TMEM117: variants seen among roughly 807,000 people sequenced by gnomAD.
TMEM117 encodes transmembrane protein 117.
Under a neutral mutation model 52.4 loss-of-function variants are expected in TMEM117, and 27 were observed. The observed-to-expected ratio is 0.51, with a 90% CI of 0.38 to 0.71. The LOEUF (loss-of-function observed/expected upper bound fraction) is 0.71. Ranked by LOEUF, TMEM117 falls within the 30% of genes least tolerant of loss-of-function variation. TMEM117 has a pLI of 0.00. For missense variants in TMEM117, 556 were observed against 630.5 expected, an observed-to-expected ratio of 0.88 and a Z score of 1.26; for synonymous variants, 215 against 206.3, an observed-to-expected ratio of 1.04 and a Z score of -0.36.
At chr12:44,019,848 C>T (rs1043795664) in intron 3 of TMEM117, among the ~76,000 whole-genome samples, 4 of 152,022 alleles carry the variant, frequency 2.6e-5, no homozygotes, top group African/African-American at 9.7e-5. Flanking sequence ...GTAATGAATC[C>T]CCCCAAACTT....
intron 4 of TMEM117, among the ~76,000 whole-genome samples, chr12:44,200,529 C>CA (rs760967758): frequency 6.6e-6 from 1 of 152,126 alleles, no homozygotes; most frequent in South Asian, 2.1e-4. Context: ...TCAAATTTGC[C>CA]AAAAATCTGT....
chr12:44,302,164 A>C (rs895542644), intron 6 of TMEM117, among the ~76,000 whole-genome samples: 1 of 151,950 alleles, frequency 6.6e-6, no homozygotes, highest in African/African-American at 2.4e-5. Flanking sequence ...CCACACATCC[A>C]CGTACCATAT....
chr12:44,356,181 A>G (rs1225114849), intron 6 of TMEM117, among the ~76,000 whole-genome samples: 4 of 152,136 alleles, frequency 2.6e-5, no homozygotes, highest in Non-Finnish European at 5.9e-5. Flanking sequence ...CCTCAGGAAG[A>G]TGTCTTGGGG....
At chr12:44,373,036 G>C (rs1328212014) in intron 6 of TMEM117, among the ~76,000 whole-genome samples, 2 of 152,160 alleles carry the variant, frequency 1.3e-5, no homozygotes, top group Non-Finnish European at 2.9e-5. Flanking sequence ...AACTAGGATG[G>C]TTTTGTATAT....
intron 5 of TMEM117, among the ~76,000 whole-genome samples, chr12:44,257,983 A>G (rs1950279167): frequency 6.6e-6 from 1 of 152,122 alleles, no homozygotes. Context: ...TATTTAAAAT[A>G]AATAGATTAG....
At chr12:43,998,120 C>G (rs1946061226) in intron 3 of TMEM117, among the ~76,000 whole-genome samples, 1 of 152,166 alleles carries the variant, frequency 6.6e-6, no homozygotes, top group South Asian at 2.1e-4. Flanking sequence ...AAGGTAAAAT[C>G]TATAGCAAAA....
chr12:43,972,764 A>G (rs992150587), intron 3 of TMEM117, among the ~76,000 whole-genome samples: 23 of 152,156 alleles, frequency 1.5e-4, no homozygotes, highest in African/African-American at 5.3e-4. Context: ...CAGAGCACAG[A>G]TCGGTACATT....
chr12:44,398,344 G>A, the TMEM117 span, among the ~76,000 whole-genome samples: 2 of 152,050 alleles, frequency 1.3e-5, no homozygotes, highest in South Asian at 4.1e-4. Context: ...GCAGGGTGTT[G>A]TCATTGTCCC....
intron 2 of TMEM117, among the ~76,000 whole-genome samples, chr12:43,918,692 C>G (rs73284239): frequency 0.015 from 2,263 of 152,292 alleles, 65 homozygotes; most frequent in African/African-American, 0.051. Flanking sequence ...TAGCCCTTAG[C>G]TCTATGCCTG....
chr12:43,810,834 T>C, the TMEM117 span, among the ~76,000 whole-genome samples: 1 of 152,272 alleles, frequency 6.6e-6, no homozygotes, highest in African/African-American at 2.4e-5. Context: ...TCATAAAGCT[T>C]CAATGTATCT....
At chr12:44,095,822 TCC>T (rs1947749848) in intron 3 of TMEM117, among the ~76,000 whole-genome samples, 1 of 152,060 alleles carries the variant, frequency 6.6e-6, no homozygotes, top group Non-Finnish European at 1.5e-5. Flanking sequence ...AGGGATGCCC[TCC>T]CTCACCACTC....
chr12:44,213,967 A>T (rs1385252780), intron 5 of TMEM117, among the ~76,000 whole-genome samples: 1 of 152,076 alleles, frequency 6.6e-6, no homozygotes, highest in Non-Finnish European at 1.5e-5. Context: ...TCACATGTAT[A>T]CTATTTGCAA....
At chr12:44,080,712 T>G (rs929360225) in intron 3 of TMEM117, among the ~76,000 whole-genome samples, 1 of 152,194 alleles carries the variant, frequency 6.6e-6, no homozygotes, top group South Asian at 2.1e-4. Context: ...AGAAGAAGAA[T>G]ATTTTATGAC....
At chr12:44,010,536 A>G (rs983889429) in intron 3 of TMEM117, among the ~76,000 whole-genome samples, 2 of 150,636 alleles carry the variant, frequency 1.3e-5, no homozygotes, top group Non-Finnish European at 3.0e-5. Context: ...ACGTCTGTCT[A>G]TTTTCTCTTT....
chr12:44,057,166 C>T (rs985862182), intron 3 of TMEM117, among the ~76,000 whole-genome samples: 2 of 152,152 alleles, frequency 1.3e-5, no homozygotes, highest in African/African-American at 4.8e-5. Flanking sequence ...TGAACTTCAG[C>T]TCCCTTTAGA....
intron 3 of TMEM117, among the ~76,000 whole-genome samples, chr12:44,042,910 G>T (rs554006133): frequency 6.6e-6 from 1 of 152,010 alleles, no homozygotes; most frequent in Non-Finnish European, 1.5e-5. Flanking sequence ...TCTTTCATTG[G>T]TTTTGGGTTT....
chr12:44,222,615 C>G (rs1488270504), intron 5 of TMEM117, among the ~76,000 whole-genome samples: 1 of 152,144 alleles, frequency 6.6e-6, no homozygotes, highest in Admixed American at 6.5e-5. Flanking sequence ...TCTCACTCTT[C>G]TATCCCTCTT....
intron 6 of TMEM117, among the ~76,000 whole-genome samples, chr12:44,300,070 T>C (rs1385445660): frequency 3.3e-5 from 5 of 152,192 alleles, no homozygotes; most frequent in African/African-American, 1.2e-4. Flanking sequence ...ATTTAGTAAA[T>C]GGAAAGCTGC....
chr12:44,324,229 T>G (rs1726889), intron 6 of TMEM117, among the ~76,000 whole-genome samples: 11,398 of 152,038 alleles, frequency 0.075, 1,024 homozygotes, highest in African/African-American at 0.21. Context: ...TGTTGGCAAG[T>G]TGACTTCTGC....
Sources: gnomAD v4.1 joint callset for allele counts (sites outside exome capture counted in the v4.1 genomes callset) on GRCh38, gnomAD v4.1.1 for gene constraint, MANE v1.5 for transcripts, NCBI Gene and HGNC (gene_info 2026-07-23, HGNC 2026-07-21) for gene names.